TRMT13: variants seen among roughly 807,000 people sequenced by gnomAD.
TRMT13 encodes tRNA methyltransferase 13, also known as tRNA:m(4)X modification enzyme TRM13 homolog.
A neutral mutation model predicts 55.9 loss-of-function variants in TRMT13; 45 were observed. The observed-to-expected ratio is 0.80, with a 90% confidence interval of 0.63 to 1.03. TRMT13 has a LOEUF of 1.03. TRMT13 is among the 50% of genes least tolerant of loss of function. The pLI is 0.00. For missense variants in TRMT13, 513 were observed against 563.9 expected (o/e 0.91, Z 0.91); for synonymous variants, 183 against 196.3 (o/e 0.93, Z 0.57).
chr1:100,148,740 A>G lies in TRMT13; in HGVS notation c.1366A>G (p.Thr456Ala), dbSNP rs775412914. ...KGFSPALQYY[T>A]DPLVSLENVL... is the part of the protein sequence containing the mutation. The stretch of plus-strand genomic sequence containing the variant: ...ATTCAGTCCTGCTTTGCAGTACTAT[A>G]CAGACCCTCTGGTGTCTTTGGAAAA... The change falls in exon 11 of 11, where the codon ACA (threonine) becomes GCA (alanine). Residue 456 changes from threonine (T) to alanine (A), a missense_variant. Physicochemically the swap from Thr to Ala is moderately conservative, Grantham distance 58. Coordinates refer to ENST00000370141, the MANE Select transcript of TRMT13 (RefSeq NM_019083.3). 3 of 1,599,032 alleles carry G rather than the reference A, an allele frequency of 1.9e-6. No individual in the cohort carries two copies. The highest frequency in any genetic ancestry group is 1.7e-6 in the Non-Finnish European group (2 of 1,174,542).
intron 7 of TRMT13, chr1:100,142,788 G>A (rs1656784606): frequency 4.2e-6 from 1 of 240,086 alleles, no homozygotes; most frequent in South Asian, 6.0e-5. Flanking sequence ...TTTCAGGAGA[G>A]CAAGAAGAGG....
chr1:100,140,852 G>C lies in TRMT13; in HGVS notation c.502G>C (p.Ala168Pro), dbSNP rs1455523226. Residue 168 changes from alanine to proline, a missense_variant and splice_region_variant, in exon 7 of 11, where the codon GCT becomes CCT. This residue lies in a region of TRMT13 where 298 missense variants were observed against 290.3 expected (regional missense o/e 1.03). Coordinates refer to ENST00000370141, the MANE Select transcript of TRMT13 (RefSeq NM_019083.3). Reference sequence around the variant, plus strand: ...TAAAATAATCTTGTGAAGTTTGCAGGCTTCTATTTTAGGTAACATTGAAAA... The same window carrying C: ...TAAAATAATCTTGTGAAGTTTGCAGCCTTCTATTTTAGGTAACATTGAAAA... Reference protein sequence around the residue: ...DSATKHLKQQASILGNIENLK... With the variant: ...DSATKHLKQQPSILGNIENLK... 6.2e-6 allele frequency: 10 copies of C among 1,609,774 alleles called. No individual in the cohort carries two copies. The highest frequency in any genetic ancestry group is 4.4e-5 in the South Asian group (4 of 90,412).
intron 1 of TRMT13, 80 bp downstream of exon 1, chr1:100,133,395 CTT>C (rs1185443088): frequency 1.1e-5 from 16 of 1,467,284 alleles, no homozygotes; most frequent in Non-Finnish European, 1.5e-5. Flanking sequence ...CCCCTCCCCT[CTT>C]TGACAGCTTT....
chr1:100,137,831 A>G (rs1359995687), intron 3 of TRMT13, among the ~76,000 whole-genome samples: 1 of 152,226 alleles, frequency 6.6e-6, no homozygotes, highest in African/African-American at 2.4e-5. Flanking sequence ...GCCAGATGGC[A>G]TAAGTTTAGA....
intron 9 of TRMT13, 36 bp from the exon 10 acceptor site, chr1:100,147,858 A>T: frequency 6.5e-7 from 1 of 1,528,822 alleles, no homozygotes; most frequent in Non-Finnish European, 8.8e-7. Context: ...TTTAAAGATG[A>T]TGTGGTTTGG....
chr1:100,137,433 A>G (rs1656025071), intron 3 of TRMT13, among the ~76,000 whole-genome samples: 1 of 152,144 alleles, frequency 6.6e-6, no homozygotes, highest in Non-Finnish European at 1.5e-5. Context: ...GCTGGTGTCA[A>G]GCAGTACTCC....
chr1:100,140,123 T>C (rs1570736950), intron 4 of TRMT13, 59 bp from the exon 5 acceptor site: 7 of 1,148,804 alleles, frequency 6.1e-6, no homozygotes, highest in Non-Finnish European at 8.9e-6. Context: ...ACTCAGTCTC[T>C]GTTATGCTAC....
At chr1:100,136,115 T>C (rs1655825118) in intron 1 of TRMT13, among the ~76,000 whole-genome samples, 2 of 152,170 alleles carry the variant, frequency 1.3e-5, no homozygotes, top group Non-Finnish European at 1.5e-5. Context: ...CCTAAAGATA[T>C]ATTTCTCAGA....
intron 7 of TRMT13, 41 bp downstream of exon 7, chr1:100,141,060 T>C: frequency 3.4e-6 from 5 of 1,491,948 alleles, no homozygotes; most frequent in Non-Finnish European, 2.7e-6. Flanking sequence ...CCAAACTTGT[T>C]TTCATTTTTT....
intron 1 of TRMT13, among the ~76,000 whole-genome samples, chr1:100,134,903 C>T (rs1451040927): frequency 1.3e-5 from 2 of 152,178 alleles, no homozygotes; most frequent in Non-Finnish European, 2.9e-5. Flanking sequence ...TGGCTATCCT[C>T]CTGAATCTGT....
At chr1:100,138,492 G>A (rs1166214319) in intron 3 of TRMT13, among the ~76,000 whole-genome samples, 1 of 151,966 alleles carries the variant, frequency 6.6e-6, no homozygotes, top group Non-Finnish European at 1.5e-5. Flanking sequence ...GTAAAACATT[G>A]TAATTCCTGC....
In TRMT13 at chr1:100,149,376, C is replaced by T; in HGVS notation, c.*556C>T. On this transcript the variant is annotated 3_prime_UTR_variant, in exon 11 of 11. Coordinates refer to ENST00000370141, the MANE Select transcript of TRMT13 (RefSeq NM_019083.3). The stretch of plus-strand genomic sequence containing the variant: ...AATTAATGAAGTCACCTTCAAATTT[C>T]CAGAGCCATACATGTATATATTGTC... 3 of 1,544,616 alleles carry T rather than the reference C, an allele frequency of 1.9e-6. No homozygotes were observed. In the South Asian group the frequency reaches 3.7e-5, roughly 19 times the overall value.
At chr1:100,142,602 A>T (rs1656764164) in intron 7 of TRMT13, among the ~76,000 whole-genome samples, 1 of 152,204 alleles carries the variant, frequency 6.6e-6, no homozygotes, top group South Asian at 2.1e-4. Context: ...AAGAGGAAGG[A>T]TGGTTTTGGA....
Position 100,133,299 on chromosome 1 carries a change from A to T in TRMT13, c.131A>T (p.His44Leu). The part of the protein sequence containing the change: ...VAAGKRFCGE[H>L]AGAAEEEDAR... ...GCAGGGAAAAGATTTTGTGGTGAAC[A>T]CGCTGGAGCCGCGGAGGTGTGGTAT... Residue 44 changes from histidine to leucine, a missense_variant, in exon 1 of 11, where the codon CAC becomes CTC. Around this residue, in one of 3 missense-constraint regions of TRMT13, gnomAD observed 298 missense variants for 290.3 expected, o/e 1.03. Transcript: ENST00000370141. 1 of 1,614,122 alleles carries T rather than the reference A, an allele frequency of 6.2e-7. No individual in the cohort carries two copies. Among genetic ancestry groups the T allele is most frequent in the Non-Finnish European group, 8.5e-7 (1 of 1,179,996 alleles).
chr1:100,140,271 C>T lies in TRMT13; in HGVS notation c.394+20C>T, dbSNP rs781269077. The T allele has an allele frequency of 6.2e-7, 1 of 1,605,462 alleles. No homozygotes were observed. Among genetic ancestry groups the T allele is most frequent in the Non-Finnish European group, 8.5e-7 (1 of 1,174,824 alleles). On this transcript the variant is annotated intron_variant, in intron 5 of 10. Coordinates refer to ENST00000370141, the MANE Select transcript of TRMT13 (RefSeq NM_019083.3). ...GTGAAGGTAAGACTGCCTAAAGTTG[C>T]AAGTTCAATTATTTTAGAGTAATTA...
At chr1:100,146,897 A>T (rs1329045024) in intron 9 of TRMT13, among the ~76,000 whole-genome samples, 1 of 152,250 alleles carries the variant, frequency 6.6e-6, no homozygotes, top group African/African-American at 2.4e-5. Context: ...AGAAAATAAT[A>T]GTTTATGAAA....
chr1:100,148,862 A>T lies in TRMT13; in HGVS notation c.*42A>T. ...GCATCATCTGTCTTCCACCAAAAAA[A>T]ATTTTTTAATTATATTTTTATATCA... On this transcript the variant is annotated 3_prime_UTR_variant, in exon 11 of 11. Transcript: ENST00000370141. The T allele has an allele frequency of 2.4e-6, 3 of 1,264,324 alleles. No homozygotes were observed. Among genetic ancestry groups the T allele is most frequent in the East Asian group, 3.1e-5 (1 of 32,602 alleles). The allele number at this position is 1,264,324 out of a possible 1,614,324, so 78.3% of individuals were successfully genotyped here.
rs759725805 is a variant in TRMT13, at chr1:100,139,672, T to TA, written c.285_286insA (p.Ala96SerfsTer6). On this transcript the variant is annotated frameshift_variant, in exon 4 of 11. Coordinates refer to ENST00000370141, the MANE Select transcript of TRMT13 (RefSeq NM_019083.3). LOFTEE classifies it high-confidence loss of function. ...AGGATTTCTATATTCAAGATATTAA[T>TA]GCAGGCTTAAGAGATGAAACAGAAA... The TA allele has an allele frequency of 1.3e-6, 2 of 1,544,088 alleles. No homozygotes were observed. Among genetic ancestry groups the TA allele is most frequent in the African/African-American group, 2.7e-5 (2 of 73,468 alleles).
chr1:100,139,581 G>A, intron 3 of TRMT13, 68 bp from the exon 4 acceptor site: 2 of 913,194 alleles, frequency 2.2e-6, no homozygotes, highest in South Asian at 1.4e-5. Context: ...GGAAGAATCA[G>A]TATTTTAGTT....
Sources: allele counts gnomAD v4.1 joint callset (sites outside exome capture counted in the v4.1 genomes callset), GRCh38; gene constraint gnomAD v4.1.1; regional missense constraint gnomAD v4.1.1; transcripts MANE v1.5; gene names NCBI Gene and HGNC (gene_info 2026-07-23, HGNC 2026-07-21).